Variants in TAF4B observed in about 807,000 individuals in gnomAD.
TAF4B encodes TATA-box binding protein associated factor 4b, also known as transcription initiation factor TFIID subunit 4B.
A neutral mutation model predicts 86.4 loss-of-function variants in TAF4B; 38 were observed. The observed-to-expected ratio is 0.44, with a 90% CI of 0.34 to 0.58. The LOEUF (loss-of-function observed/expected upper bound fraction) is 0.58, where lower values mean the gene tolerates loss of function less well. TAF4B is among the 20% of genes least tolerant of loss of function. The pLI is 0.02. For synonymous variants in TAF4B, 388 were observed against 391.2 expected (o/e 0.99, Z 0.10); for missense variants, 988 against 1,027.6 (o/e 0.96, Z 0.53).
At chr18:26,266,034 C>T (rs1459731344) in intron 2 of TAF4B, 4 of 152,210 alleles carry the variant, frequency 2.6e-5, no homozygotes, top group East Asian at 1.9e-4. Flanking sequence ...CTCCGCCTCT[C>T]GAAGTGTTGG....
intron 13 of TAF4B, among the ~76,000 whole-genome samples, chr18:26,354,401 C>G (rs1415946001): frequency 1.3e-5 from 2 of 152,220 alleles, no homozygotes; most frequent in African/African-American, 4.8e-5. Context: ...GACTGCCAGA[C>G]ACTAAAGTGG....
At chr18:26,379,245 T>C (rs187347012) in intron 14 of TAF4B, among the ~76,000 whole-genome samples, 1 of 152,262 alleles carries the variant, frequency 6.6e-6, no homozygotes, top group East Asian at 1.9e-4. Context: ...TCTTTTATAA[T>C]TAGTACTTGC....
At chr18:26,340,757 AG>A (rs748803430) in intron 13 of TAF4B, among the ~76,000 whole-genome samples, 14 of 152,084 alleles carry the variant, frequency 9.2e-5, no homozygotes, top group African/African-American at 2.7e-4. Flanking sequence ...ATGAGAAAGA[AG>A]GGGGGCTTTA....
chr18:26,272,646 G>A (rs1055529276), intron 3 of TAF4B, among the ~76,000 whole-genome samples: 1 of 152,106 alleles, frequency 6.6e-6, no homozygotes, highest in Non-Finnish European at 1.5e-5. Context: ...TCTCCCATCA[G>A]TCCTCAGAGG....
At chr18:26,260,230 T>C (rs1239954111) in intron 1 of TAF4B, among the ~76,000 whole-genome samples, 2 of 152,240 alleles carry the variant, frequency 1.3e-5, no homozygotes, top group Non-Finnish European at 1.5e-5. Context: ...ATTCTGTAGG[T>C]TGCCTGTTCA....
chr18:26,231,334 A>G (rs28535855), intron 1 of TAF4B, among the ~76,000 whole-genome samples: 59,361 of 134,554 alleles, frequency 0.44, 16,568 homozygotes, highest in African/African-American at 0.8. Context: ...TGAGCCACCC[A>G]GCTGCTTGGG....
chr18:26,245,226 T>C (rs144331279), intron 1 of TAF4B, among the ~76,000 whole-genome samples: 26 of 152,196 alleles, frequency 1.7e-4, no homozygotes, highest in African/African-American at 6.3e-4. Flanking sequence ...ATGGTCCTTA[T>C]CACGTGGCGA....
intron 1 of TAF4B, among the ~76,000 whole-genome samples, chr18:26,240,562 T>A (rs1471748270): frequency 7.9e-5 from 12 of 152,212 alleles, no homozygotes. Flanking sequence ...TTTTCCTAAT[T>A]GAATACCCTT....
intron 14 of TAF4B, among the ~76,000 whole-genome samples, chr18:26,378,978 A>C (rs1387999899): frequency 1.3e-5 from 2 of 152,254 alleles, no homozygotes; most frequent in African/African-American, 4.8e-5. Flanking sequence ...AGTATGGATA[A>C]AGGTGCTTTA....
At chr18:26,312,180 TCTTA>T (rs1284826393) in intron 9 of TAF4B, among the ~76,000 whole-genome samples, 1 of 152,206 alleles carries the variant, frequency 6.6e-6, no homozygotes, top group Non-Finnish European at 1.5e-5. Context: ...GTTTGGTGAT[TCTTA>T]CTTACTTCTT....
chr18:26,388,303 G>T (rs1182406950), intron 14 of TAF4B, among the ~76,000 whole-genome samples: 4 of 152,192 alleles, frequency 2.6e-5, no homozygotes, highest in Non-Finnish European at 5.9e-5. Flanking sequence ...TCAGAAAACT[G>T]TCTTAATTAC....
At chr18:26,323,652 T>C (rs560298771) in intron 11 of TAF4B, among the ~76,000 whole-genome samples, 1 of 152,292 alleles carries the variant, frequency 6.6e-6, no homozygotes, top group African/African-American at 2.4e-5. Flanking sequence ...TTGATGTGTA[T>C]ATCTTCTTGA....
intron 1 of TAF4B, among the ~76,000 whole-genome samples, chr18:26,238,779 C>A (rs1033898651): frequency 6.6e-6 from 1 of 152,060 alleles, no homozygotes; most frequent in African/African-American, 2.4e-5. Context: ...GTGATGTTCC[C>A]CACCCTGTGT....
At chr18:26,346,886 T>C (rs796596990) in intron 13 of TAF4B, among the ~76,000 whole-genome samples, 1 of 6,942 alleles carries the variant, frequency 1.4e-4, no homozygotes, top group African/African-American at 2.0e-4. Context: ...TGTATATATA[T>C]ATATATATAT....
At chr18:26,298,700 C>T (rs2056694134) in intron 9 of TAF4B, among the ~76,000 whole-genome samples, 1 of 148,952 alleles carries the variant, frequency 6.7e-6, no homozygotes, top group East Asian at 2.0e-4. Context: ...GCCCAAGTAA[C>T]TTTTTTTTTT....
At chr18:26,267,729 A>T in intron 3 of TAF4B, 106 bp downstream of exon 3, 3 of 751,974 alleles carry the variant, frequency 4.0e-6, no homozygotes, top group Non-Finnish European at 6.9e-6. Flanking sequence ...CATTGAAGAT[A>T]GCAATTCAGT....
At chr18:26,338,811 A>G (rs564700285) in intron 13 of TAF4B, among the ~76,000 whole-genome samples, 38 of 152,228 alleles carry the variant, frequency 2.5e-4, no homozygotes, top group Admixed American at 2.5e-3. Context: ...CCTCTAATAA[A>G]GTTTTAGAGG....
chr18:26,251,894 C>T (rs1286544175), intron 1 of TAF4B, among the ~76,000 whole-genome samples: 4 of 152,162 alleles, frequency 2.6e-5, no homozygotes, highest in African/African-American at 9.7e-5. Flanking sequence ...TTATTTTATT[C>T]TCAGCATTGC....
At chr18:26,242,137 C>T (rs11874786) in intron 1 of TAF4B, among the ~76,000 whole-genome samples, 16,910 of 152,096 alleles carry the variant, frequency 0.11, 962 homozygotes, top group Middle Eastern at 0.14. Flanking sequence ...TCCTGGATAT[C>T]CTTGTTAACT....
Sources: allele counts gnomAD v4.1 joint callset (sites outside exome capture counted in the v4.1 genomes callset), GRCh38; gene constraint gnomAD v4.1.1; transcripts MANE v1.5; gene names NCBI Gene and HGNC (gene_info 2026-07-23, HGNC 2026-07-21).